RBMS1: variants seen among roughly 807,000 people sequenced by gnomAD.
The protein encoded by RBMS1 is RNA-binding motif, single-stranded-interacting protein 1.
A neutral mutation model predicts 62.3 loss-of-function variants in RBMS1; 17 were observed. The ratio of observed to expected loss-of-function variants is 0.27; its 90% CI spans 0.19 to 0.41. RBMS1 has a LOEUF of 0.41. Among genes scored for constraint, RBMS1 ranks in the 10% least tolerant of loss-of-function variants. The probability of loss-of-function intolerance (pLI) is 1.00; values close to 1 mark genes in which losing one functional copy is unlikely to be tolerated. For synonymous variants in RBMS1, 172 were observed against 170.0 expected (o/e 1.01, Z -0.09); for missense variants, 334 against 504.5 (o/e 0.66, Z 3.24).
intron 4 of RBMS1, among the ~76,000 whole-genome samples, chr2:160,304,361 A>C (rs1032495431): frequency 6.6e-6 from 1 of 151,980 alleles, no homozygotes; most frequent in Admixed American, 6.6e-5. Flanking sequence ...ATCTTTAAAA[A>C]AAAGTCATGT....
intron 2 of RBMS1, among the ~76,000 whole-genome samples, chr2:160,352,437 T>G (rs1692569530): frequency 6.6e-6 from 1 of 152,164 alleles, no homozygotes; most frequent in African/African-American, 2.4e-5. Context: ...ATTTTCCATA[T>G]GAATATTTTG....
In RBMS1 at chr2:160,382,650, G is replaced by A. The variant is rs537853293; in HGVS notation, c.76-15259C>T. Among the ~76,000 whole-genome samples the A allele has an allele frequency of 1.9e-3, 284 of 152,180 alleles. 1 individual carries two copies. Among genetic ancestry groups the A allele is most frequent in the South Asian group, 6.7e-3 (32 of 4,812 alleles). Reference sequence around the variant, plus strand: ...GGCAGTTGTTATTCATTCTTTCCAGGATTTGCTTTATTAGACTTTCAACTG... The same window carrying A: ...GGCAGTTGTTATTCATTCTTTCCAGAATTTGCTTTATTAGACTTTCAACTG... On this transcript the variant is annotated intron_variant, in intron 1 of 13. Transcript: ENST00000348849.
chr2:160,355,469 T>C (rs1692746941), intron 2 of RBMS1, among the ~76,000 whole-genome samples: 1 of 152,138 alleles, frequency 6.6e-6, no homozygotes. Flanking sequence ...TTGTTAATGA[T>C]ATCAAATTCC....
At chr2:160,301,654 T>C (rs1689215134) in intron 5 of RBMS1, among the ~76,000 whole-genome samples, 1 of 152,216 alleles carries the variant, frequency 6.6e-6, no homozygotes, top group African/African-American at 2.4e-5. Flanking sequence ...CTGGAGATGC[T>C]GGCCTTGGTG....
intron 1 of RBMS1, among the ~76,000 whole-genome samples, chr2:160,450,317 G>C (rs113678689): frequency 0.22 from 32,911 of 151,966 alleles, 3,899 homozygotes; most frequent in African/African-American, 0.3. Context: ...GAGGTGGGTG[G>C]ATCACCTGAG....
chr2:160,367,594 G>A, intron 1 of RBMS1: 1 of 932,642 alleles, frequency 1.1e-6, no homozygotes, highest in Non-Finnish European at 1.5e-6. Flanking sequence ...GGTTTACTAA[G>A]TAAAAGTTCT....
intron 1 of RBMS1, among the ~76,000 whole-genome samples, chr2:160,426,304 AGGAAG>A (rs1682610563): frequency 1.5e-5 from 1 of 67,828 alleles, no homozygotes; most frequent in African/African-American, 4.4e-5. Flanking sequence ...GAAAGAAGGA[AGGAAG>A]GAAGGAAGGA....
intron 2 of RBMS1, among the ~76,000 whole-genome samples, chr2:160,324,909 C>CACAT (rs1553508438): frequency 1.3e-5 from 1 of 79,184 alleles, no homozygotes; most frequent in Non-Finnish European, 2.7e-5. Flanking sequence ...TATATATATA[C>CACAT]ACACACACAC....
intron 1 of RBMS1, among the ~76,000 whole-genome samples, chr2:160,426,378 AAG>A (rs1189559797): frequency 6.6e-6 from 1 of 152,058 alleles, no homozygotes; most frequent in Admixed American, 6.6e-5. Flanking sequence ...AAAAAAAGAA[AAG>A]AGTCTTCTCA....
intron 1 of RBMS1, among the ~76,000 whole-genome samples, chr2:160,421,133 T>C (rs12463865): frequency 0.28 from 42,263 of 151,620 alleles, 6,361 homozygotes; most frequent in East Asian, 0.59. Context: ...CACTCTAACT[T>C]ATTCTTTTTT....
intron 1 of RBMS1, among the ~76,000 whole-genome samples, chr2:160,376,909 C>A (rs997169245): frequency 7.9e-5 from 12 of 152,130 alleles, no homozygotes; most frequent in African/African-American, 2.9e-4. Context: ...TTCAAGAGAT[C>A]CTCCTGCCTC....
At chr2:160,337,158 G>C (rs903419430) in intron 2 of RBMS1, among the ~76,000 whole-genome samples, 2 of 138,254 alleles carry the variant, frequency 1.4e-5, no homozygotes, top group African/African-American at 2.7e-5. Flanking sequence ...TTTTGAGCCA[G>C]AGTCTCGCTC....
intron 1 of RBMS1, among the ~76,000 whole-genome samples, chr2:160,477,019 T>C (rs1001004970): frequency 6.6e-6 from 1 of 152,236 alleles, no homozygotes; most frequent in Non-Finnish European, 1.5e-5. Context: ...TCAGTCTTTT[T>C]CCCCTAGCAT....
rs145078796 is a variant in RBMS1 at position 160,491,432 on chromosome 2, G to A, written c.75+1857C>T. On this transcript the variant is annotated intron_variant, in intron 1 of 13. Transcript: ENST00000348849. ...GAAGCACACTTTCAGAAAATGGGCC[G>A]TAAAGCTTTCTGGGATCCGACCCTA... Among the ~76,000 whole-genome samples, 666 of 152,330 alleles carry A rather than the reference G, an allele frequency of 4.4e-3. 1 individual carries two copies. The highest frequency in any genetic ancestry group is 7.4e-3 in the Non-Finnish European group (505 of 68,030).
At chr2:160,407,521 G>A in intron 1 of RBMS1, 4 of 986,716 alleles carry the variant, frequency 4.1e-6, no homozygotes, top group Middle Eastern at 5.2e-4. Context: ...CACTGCTGCT[G>A]GGGAAGATCA....
intron 1 of RBMS1, among the ~76,000 whole-genome samples, chr2:160,489,947 C>T (rs1489595337): frequency 6.6e-6 from 1 of 151,944 alleles, no homozygotes; most frequent in Non-Finnish European, 1.5e-5. Context: ...TATTTCAATC[C>T]CCATAACTAT....
At chr2:160,352,048 C>T (rs1295886668) in intron 2 of RBMS1, among the ~76,000 whole-genome samples, 1 of 152,080 alleles carries the variant, frequency 6.6e-6, no homozygotes, top group Non-Finnish European at 1.5e-5. Context: ...AAAGTGAGAT[C>T]CTGCAGAGCT....
At chr2:160,418,057 T>C (rs1230006736) in intron 1 of RBMS1, among the ~76,000 whole-genome samples, 3 of 152,184 alleles carry the variant, frequency 2.0e-5, no homozygotes, top group Non-Finnish European at 4.4e-5. Flanking sequence ...TTCAAGTGTT[T>C]TTCAGTGCAT....
At chr2:160,346,528 C>G (rs1692183872) in intron 2 of RBMS1, among the ~76,000 whole-genome samples, 1 of 152,124 alleles carries the variant, frequency 6.6e-6, no homozygotes, top group Non-Finnish European at 1.5e-5. Flanking sequence ...CTAAATTGAT[C>G]TGAGTTCTCA....
Sources: gnomAD v4.1 joint callset for allele counts (sites outside exome capture counted in the v4.1 genomes callset) on GRCh38, gnomAD v4.1.1 for gene constraint, MANE v1.5 for transcripts, NCBI Gene and HGNC (gene_info 2026-07-23, HGNC 2026-07-21) for gene names.